SMYD3: variants seen among roughly 807,000 people sequenced by gnomAD.
SMYD3 encodes SET and MYND domain containing 3.
A neutral mutation model predicts 57.7 loss-of-function variants in SMYD3; 36 were observed. That is an observed-to-expected ratio of 0.62 (90% CI 0.48 to 0.82). The LOEUF is 0.82. Among genes scored for constraint, SMYD3 ranks in the 40% least tolerant of loss-of-function variants. The pLI is 0.00. For synonymous variants in SMYD3, 211 were observed against 195.0 expected (o/e 1.08, Z -0.68); for missense variants, 515 against 538.8 (o/e 0.96, Z 0.44).
chr1:246,152,918 T>C (rs2061964770), intron 5 of SMYD3, among the ~76,000 whole-genome samples: 2 of 152,204 alleles, frequency 1.3e-5, no homozygotes, highest in African/African-American at 4.8e-5. Flanking sequence ...AAGTAAGCAC[T>C]CAATAAATGT....
chr1:246,236,713 T>C (rs2063517485), intron 5 of SMYD3, among the ~76,000 whole-genome samples: 1 of 152,104 alleles, frequency 6.6e-6, no homozygotes, highest in South Asian at 2.1e-4. Flanking sequence ...CATCTCCCTA[T>C]GTTGCCCAGG....
At chr1:245,969,955 A>G (rs1172506918) in intron 5 of SMYD3, among the ~76,000 whole-genome samples, 1 of 151,732 alleles carries the variant, frequency 6.6e-6, no homozygotes, top group Non-Finnish European at 1.5e-5. Flanking sequence ...AGAAATAGAA[A>G]GAACTACTTA....
rs1031364736 is a variant in SMYD3, at chr1:246,446,983, C to A, written c.164+60071G>T. On this transcript the variant is annotated intron_variant, in intron 1 of 11. Transcript: ENST00000490107. ...GGCGAAGGTTGCAGTGAGCCGAGAT[C>A]GTGCCACTGCACTCCAGCCTCGGTG... 2.7e-5 allele frequency among the ~76,000 whole-genome samples: 4 copies of A among 148,520 alleles called. No homozygotes were observed. The East Asian group carries it at 7.9e-4, about 29-fold the overall frequency.
chr1:245,870,192 A>G (rs1307665756), intron 8 of SMYD3, among the ~76,000 whole-genome samples: 1 of 152,142 alleles, frequency 6.6e-6, no homozygotes, highest in African/African-American at 2.4e-5. Flanking sequence ...GAGAATCCCA[A>G]CCAAGACAAC....
intron 10 of SMYD3, among the ~76,000 whole-genome samples, chr1:245,838,392 C>G (rs116226798): frequency 3.6e-4 from 55 of 152,222 alleles, no homozygotes; most frequent in Middle Eastern, 3.4e-3. Context: ...CTTCACCCTG[C>G]GGGGGATGAG....
rs372591450 is a variant in SMYD3, at chr1:245,749,679, C to T, written c.1186-15G>A. 3,869 of 1,607,278 alleles carry T rather than the reference C, an allele frequency of 2.4e-3. 4 individuals carry two copies. The highest frequency in any genetic ancestry group is 2.9e-3 in the Non-Finnish European group (3,391 of 1,174,100). Reference sequence around the variant, plus strand: ...ATATCAAAAGCCTAAAGAGAAAGGACGGAAGAGAGATTAGACCCCAAAATA... The same window carrying T: ...ATATCAAAAGCCTAAAGAGAAAGGATGGAAGAGAGATTAGACCCCAAAATA... On this transcript the variant is annotated splice_polypyrimidine_tract_variant and intron_variant, in intron 11 of 11. Transcript: ENST00000490107.
At chr1:245,900,627 G>A (rs1290806586) in intron 8 of SMYD3, among the ~76,000 whole-genome samples, 1 of 152,172 alleles carries the variant, frequency 6.6e-6, no homozygotes, top group African/African-American at 2.4e-5. Context: ...GCTACGTTTA[G>A]TTGGGCTATC....
chr1:246,102,571 A>T (rs2061034069), intron 5 of SMYD3, among the ~76,000 whole-genome samples: 2 of 151,930 alleles, frequency 1.3e-5, no homozygotes, highest in Admixed American at 1.3e-4. Context: ...CCCTTCTTGG[A>T]ATGTCTCTCT....
intron 8 of SMYD3, among the ~76,000 whole-genome samples, chr1:245,868,118 A>G (rs556655186): frequency 3.3e-5 from 5 of 152,198 alleles, no homozygotes; most frequent in Non-Finnish European, 7.3e-5. Context: ...TAATGATTTG[A>G]TGTCTCTTGT....
chr1:246,115,378 CCTACA>C (rs1417113369), intron 5 of SMYD3, among the ~76,000 whole-genome samples: 1 of 152,086 alleles, frequency 6.6e-6, no homozygotes, highest in Non-Finnish European at 1.5e-5. Flanking sequence ...AGTGACTTGC[CCTACA>C]CTAAATACTG....
At chr1:246,456,270 G>C (rs1173917405) in intron 1 of SMYD3, among the ~76,000 whole-genome samples, 1 of 152,170 alleles carries the variant, frequency 6.6e-6, no homozygotes, top group Non-Finnish European at 1.5e-5. Flanking sequence ...CTTCACATTA[G>C]CATTACCTCA....
chr1:246,182,665 A>G lies in SMYD3; in HGVS notation c.531+144536T>C, dbSNP rs113542424. On this transcript the variant is annotated intron_variant, in intron 5 of 11. Transcript: ENST00000490107. ...TTGTTGTTCTTCCACCATATAAAGCACTTTGAGTCACAATTAGAAAAATAA... is the reference window on the plus strand; with the variant it reads ...TTGTTGTTCTTCCACCATATAAAGCGCTTTGAGTCACAATTAGAAAAATAA... Among the ~76,000 whole-genome samples the G allele has an allele frequency of 3.2e-3, 493 of 152,276 alleles. 4 individuals are homozygous for G. The highest frequency in any genetic ancestry group is 0.011 in the African/African-American group (460 of 41,546).
At chr1:245,803,630 G>A (rs530161279) in intron 10 of SMYD3, among the ~76,000 whole-genome samples, 11 of 152,160 alleles carry the variant, frequency 7.2e-5, no homozygotes, top group Non-Finnish European at 1.3e-4. Flanking sequence ...GTAACAAAAC[G>A]ACATTATAGA....
At chr1:246,361,062 C>T (rs549568701) in intron 1 of SMYD3, among the ~76,000 whole-genome samples, 1 of 152,328 alleles carries the variant, frequency 6.6e-6, no homozygotes, top group South Asian at 2.1e-4. Context: ...CGACAAAGGA[C>T]TCATATCCAG....
chr1:246,413,410 A>C (rs1572477985), intron 1 of SMYD3, among the ~76,000 whole-genome samples: 2 of 152,286 alleles, frequency 1.3e-5, no homozygotes, highest in South Asian at 4.1e-4. Context: ...TTATCAGTAA[A>C]GATTACTGAG....
At chr1:246,309,847 A>G (rs141931259) in intron 5 of SMYD3, among the ~76,000 whole-genome samples, 1 of 152,350 alleles carries the variant, frequency 6.6e-6, no homozygotes, top group Non-Finnish European at 1.5e-5. Flanking sequence ...CTCCATTTAA[A>G]AAATGATTTG....
At chr1:246,230,669 C>T (rs1330253702) in intron 5 of SMYD3, among the ~76,000 whole-genome samples, 6 of 152,164 alleles carry the variant, frequency 3.9e-5, no homozygotes, top group Non-Finnish European at 5.9e-5. Flanking sequence ...AATCTTTGTG[C>T]CTCTCTTGAT....
intron 5 of SMYD3, among the ~76,000 whole-genome samples, chr1:246,175,603 C>T (rs1259011013): frequency 1.3e-5 from 2 of 152,174 alleles, no homozygotes; most frequent in African/African-American, 4.8e-5. Context: ...TCGAGGAAGA[C>T]AGGGCCATTC....
chr1:246,296,592 C>G (rs73142870), intron 5 of SMYD3, among the ~76,000 whole-genome samples: 2 of 151,846 alleles, frequency 1.3e-5, no homozygotes, highest in Admixed American at 1.3e-4. Context: ...TTTTCTGAAA[C>G]AGCCTTGAAC....
Sources: gnomAD v4.1 joint callset for allele counts (sites outside exome capture counted in the v4.1 genomes callset) on GRCh38, gnomAD v4.1.1 for gene constraint, MANE v1.5 for transcripts, NCBI Gene and HGNC (gene_info 2026-07-23, HGNC 2026-07-21) for gene names.